The following AKAP19 variants were observed in gnomAD, a reference collection of about 807,000 sequenced individuals.
The protein encoded by AKAP19 is small A-kinase anchoring protein.
chr2:190,036,254 T>C, the AKAP19 span, among the ~76,000 whole-genome samples: 1 of 152,172 alleles, frequency 6.6e-6, no homozygotes, highest in African/African-American at 2.4e-5. Flanking sequence ...TAGACTACAG[T>C]ATAGCCTTGC....
chr2:190,076,363 T>C, the AKAP19 span, among the ~76,000 whole-genome samples: 1 of 152,156 alleles, frequency 6.6e-6, no homozygotes, highest in Non-Finnish European at 1.5e-5. Context: ...AAAAGTTTTC[T>C]GGGGGGCAAG....
At chr2:190,081,368 C>T in the AKAP19 span, among the ~76,000 whole-genome samples, 1 of 152,138 alleles carries the variant, frequency 6.6e-6, no homozygotes, top group Admixed American at 6.5e-5. Context: ...CCTTTCCTCT[C>T]CTCTCCCTCC....
At chr2:190,003,613 C>T in the AKAP19 span, among the ~76,000 whole-genome samples, 1 of 152,044 alleles carries the variant, frequency 6.6e-6, no homozygotes, top group Non-Finnish European at 1.5e-5. Context: ...CCTGTAATTC[C>T]AGCACTTTGG....
chr2:190,144,715 G>A, the AKAP19 span, among the ~76,000 whole-genome samples: 10 of 150,982 alleles, frequency 6.6e-5, no homozygotes, highest in South Asian at 2.1e-4. Flanking sequence ...GGTGGCTCAC[G>A]CCTGTAATCC....
the AKAP19 span, among the ~76,000 whole-genome samples, chr2:189,933,273 G>A: frequency 2.0e-5 from 3 of 152,154 alleles, no homozygotes; most frequent in South Asian, 4.1e-4. Context: ...CTTTTGGGAG[G>A]GAGATGTGAG....
At chr2:190,081,051 T>TA in the AKAP19 span, among the ~76,000 whole-genome samples, 1 of 152,156 alleles carries the variant, frequency 6.6e-6, no homozygotes, top group African/African-American at 2.4e-5. Flanking sequence ...AAAATATACT[T>TA]AAAAAACATA....
chr2:189,914,484 C>G, the AKAP19 span, among the ~76,000 whole-genome samples: 3 of 152,098 alleles, frequency 2.0e-5, no homozygotes, highest in Non-Finnish European at 2.9e-5. Flanking sequence ...TTGTATGAAA[C>G]TGCCAGCAGT....
At chr2:190,097,023 C>G in the AKAP19 span, among the ~76,000 whole-genome samples, 1 of 152,194 alleles carries the variant, frequency 6.6e-6, no homozygotes, top group Non-Finnish European at 1.5e-5. Context: ...CACAAACATT[C>G]AAACCAGAGC....
the AKAP19 span, chr2:190,180,833 C>T: frequency 4.1e-6 from 4 of 985,116 alleles, no homozygotes; most frequent in Admixed American, 6.2e-5. The surrounding 1 kb of genome is among the most constrained non-coding windows in gnomAD (Gnocchi z 6.8). Flanking sequence ...GCCGGGAGCC[C>T]GGGCGCCGCC....
At chr2:189,918,246 T>C in the AKAP19 span, among the ~76,000 whole-genome samples, 8 of 152,186 alleles carry the variant, frequency 5.3e-5, no homozygotes, top group East Asian at 3.8e-4. Context: ...TATTTATCTA[T>C]GTTTTTTACT....
At chr2:190,050,791 A>G in the AKAP19 span, among the ~76,000 whole-genome samples, 21 of 152,194 alleles carry the variant, frequency 1.4e-4, no homozygotes, top group Non-Finnish European at 3.1e-4. Flanking sequence ...ATTTGTTGGG[A>G]AGAGAGAGGC....
the AKAP19 span, among the ~76,000 whole-genome samples, chr2:190,126,244 T>C: frequency 8.2e-6 from 1 of 122,368 alleles, no homozygotes; most frequent in Non-Finnish European, 1.6e-5. Flanking sequence ...TGAGCTGAGA[T>C]TGAGCCACTG....
At chr2:190,073,907 C>T in the AKAP19 span, among the ~76,000 whole-genome samples, 5 of 151,936 alleles carry the variant, frequency 3.3e-5, no homozygotes, top group South Asian at 2.1e-4. Flanking sequence ...AAAAATTAGC[C>T]GGGTGTGGTG....
At chr2:190,031,690 G>A in the AKAP19 span, among the ~76,000 whole-genome samples, 1 of 152,150 alleles carries the variant, frequency 6.6e-6, no homozygotes, top group Non-Finnish European at 1.5e-5. Flanking sequence ...CAAATCACCA[G>A]TCAAGTGGAG....
chr2:190,057,116 T>C, the AKAP19 span: 2 of 796,856 alleles, frequency 2.5e-6, no homozygotes, highest in Non-Finnish European at 4.0e-6. Flanking sequence ...TTCCCCCTTT[T>C]AGTTTACATA....
At chr2:190,030,800 C>G in the AKAP19 span, among the ~76,000 whole-genome samples, 1 of 152,086 alleles carries the variant, frequency 6.6e-6, no homozygotes, top group Non-Finnish European at 1.5e-5. Flanking sequence ...TTTGGAGACA[C>G]AGAAAAGTAA....
the AKAP19 span, chr2:189,930,692 G>T: frequency 1.8e-5 from 7 of 389,958 alleles, no homozygotes; most frequent in East Asian, 5.0e-5. Flanking sequence ...AAAAAAAAAA[G>T]AAATTGAATT....
the AKAP19 span, among the ~76,000 whole-genome samples, chr2:190,196,986 T>A: frequency 6.6e-6 from 1 of 152,192 alleles, no homozygotes; most frequent in African/African-American, 2.4e-5. Flanking sequence ...GTTTAAGGCA[T>A]GAGCATATAT....
chr2:189,941,065 T>C, the AKAP19 span, among the ~76,000 whole-genome samples: 1 of 152,124 alleles, frequency 6.6e-6, no homozygotes, highest in Admixed American at 6.5e-5. Flanking sequence ...GACTTCTCAA[T>C]AGAAATCAGG....
Sources: gnomAD v4.1 joint callset for allele counts (sites outside exome capture counted in the v4.1 genomes callset) on GRCh38, gnomAD v4.1.1 for gene constraint, Gnocchi (gnomAD v3.1) non-coding constraint, MANE v1.5 for transcripts, NCBI Gene and HGNC (gene_info 2026-07-23, HGNC 2026-07-21) for gene names.